ANK2: variants seen among roughly 807,000 people sequenced by gnomAD.
The protein encoded by ANK2 is ankyrin 2.
ANK2 carries 83 observed loss-of-function variants against 360.5 expected under a neutral mutation model. That is an observed-to-expected ratio of 0.23 (90% CI 0.19 to 0.28). ANK2 has a LOEUF of 0.28. Ranked by LOEUF, ANK2 falls within the 10% of genes least tolerant of loss-of-function variation. The pLI is 1.00. For synonymous variants in ANK2, 1,740 were observed against 1,759.5 expected (o/e 0.99, Z 0.28); for missense variants, 4,201 against 4,795.7 (o/e 0.88, Z 3.66).
chr4:112,883,018 CTTTTTTTTTTTTTTTTTTTTTTTTTT>C (rs536262490), intron 1 of ANK2, among the ~76,000 whole-genome samples: 1 of 30,500 alleles, frequency 3.3e-5, no homozygotes, highest in Non-Finnish European at 6.4e-5. Flanking sequence ...CTTGGTTAGT[CTTTTTTTTTTTTTTTTTTTTTTTTTT>C]TTTTTTTTTT....
intron 1 of ANK2, among the ~76,000 whole-genome samples, chr4:112,819,808 G>C (rs2056476811): frequency 6.6e-6 from 1 of 152,268 alleles, no homozygotes; most frequent in Admixed American, 6.5e-5. Flanking sequence ...ATTCATCTTG[G>C]AAAGGGTCTG....
At chr4:113,293,772 A>C (rs2069295989) in intron 22 of ANK2, among the ~76,000 whole-genome samples, 1 of 152,202 alleles carries the variant, frequency 6.6e-6, no homozygotes, top group South Asian at 2.1e-4. Context: ...ATGTGTGAAT[A>C]TAGTTTTATA....
chr4:112,739,605 C>T, the ANK2 span, among the ~76,000 whole-genome samples: 2 of 152,228 alleles, frequency 1.3e-5, no homozygotes, highest in Admixed American at 6.5e-5. Flanking sequence ...CAGAGCAAGA[C>T]TCCGTCTGGG....
At chr4:113,363,500 A>G in intron 40 of ANK2, 31 bp downstream of exon 40, 4 of 1,612,416 alleles carry the variant, frequency 2.5e-6, no homozygotes, top group Non-Finnish European at 3.4e-6. Flanking sequence ...ATATTGGGCT[A>G]AAGTTGGACA....
the ANK2 span, among the ~76,000 whole-genome samples, chr4:112,753,944 A>T: frequency 6.6e-6 from 1 of 151,856 alleles, no homozygotes; most frequent in Admixed American, 6.6e-5. Context: ...CTACAAATAC[A>T]AAAATTAGCC....
chr4:112,785,386 T>A, the ANK2 span, among the ~76,000 whole-genome samples: 1 of 151,076 alleles, frequency 6.6e-6, no homozygotes, highest in African/African-American at 2.5e-5. Context: ...TTTTTCCTTT[T>A]TTTTTGAGAC....
chr4:113,072,742 ATTT>A (rs34098456), intron 1 of ANK2, among the ~76,000 whole-genome samples: 2,558 of 74,144 alleles, frequency 0.035, 36 homozygotes, highest in Non-Finnish European at 0.059. Context: ...ACTTGGCATA[ATTT>A]TTTTTTTTTT....
In ANK2 at chr4:113,354,405, G is replaced by A. The variant is rs145614759; in HGVS notation, c.5787G>A (p.Ser1929=). 11 of 1,613,868 alleles carry A rather than the reference G, an allele frequency of 6.8e-6. No homozygotes were observed. Among genetic ancestry groups the A allele is most frequent in the South Asian group, 3.3e-5 (3 of 91,072 alleles). ...GGACAGAAAAACACCCGCCAGTATC[G>A]CCTGGGAGAACAGAAAAACGCTTGC... ...SGRTEKHPPV[S]PGRTEKRLPV... Residue 1929 remains serine (S), a synonymous_variant, in exon 38 of 46, where the codon TCG becomes TCA. Coordinates refer to ENST00000357077, the MANE Select transcript of ANK2 (RefSeq NM_001148.6).
chr4:113,079,064 C>T (rs759958856), intron 1 of ANK2, among the ~76,000 whole-genome samples: 22 of 152,234 alleles, frequency 1.4e-4, no homozygotes, highest in Non-Finnish European at 2.6e-4. Flanking sequence ...AGAATAAACA[C>T]GTGGAAACTG....
chr4:112,761,497 G>T, the ANK2 span, among the ~76,000 whole-genome samples: 1 of 152,146 alleles, frequency 6.6e-6, no homozygotes, highest in African/African-American at 2.4e-5. Context: ...GCACGCGCCT[G>T]CAGTCCCAGC....
intron 1 of ANK2, among the ~76,000 whole-genome samples, chr4:112,839,090 T>C (rs886301957): frequency 6.6e-6 from 1 of 152,186 alleles, no homozygotes; most frequent in Non-Finnish European, 1.5e-5. Flanking sequence ...GCACCATCTG[T>C]CCATGAAGAC....
chr4:112,910,159 T>C (rs1238256297), intron 2 of ANK2, among the ~76,000 whole-genome samples: 4 of 152,218 alleles, frequency 2.6e-5, no homozygotes, highest in African/African-American at 9.6e-5. Flanking sequence ...CTTAGCCTAA[T>C]CAGTGAACTA....
intron 1 of ANK2, among the ~76,000 whole-genome samples, chr4:113,144,886 A>G (rs2096771739): frequency 6.7e-6 from 1 of 150,284 alleles, no homozygotes; most frequent in African/African-American, 2.4e-5. Flanking sequence ...CTTAATCCAT[A>G]TTAGTCCCTC....
At chr4:112,796,473 C>T in the ANK2 span, among the ~76,000 whole-genome samples, 2 of 145,986 alleles carry the variant, frequency 1.4e-5, no homozygotes, top group Non-Finnish European at 3.0e-5. Flanking sequence ...TATACACACA[C>T]ACACACATAC....
intron 2 of ANK2, among the ~76,000 whole-genome samples, chr4:113,001,331 C>CAAAAA (rs11310852): frequency 4.7e-5 from 4 of 84,214 alleles, no homozygotes; most frequent in African/African-American, 1.4e-4. Context: ...AACTCTGTCT[C>CAAAAA]AAAAAAAAAA....
At chr4:112,966,689 A>T (rs1345723419) in intron 2 of ANK2, among the ~76,000 whole-genome samples, 1 of 152,182 alleles carries the variant, frequency 6.6e-6, no homozygotes, top group African/African-American at 2.4e-5. Flanking sequence ...AGATATCACA[A>T]CCATAATCAT....
At position 112,897,754 on chromosome 4, in the gene ANK2, C is replaced by T. The variant is rs190584953; in HGVS notation, c.-39-6701C>T. Reference sequence around the variant, plus strand: ...AGGCATTGCAATTCCCCTTGCTCACCGTTTCAGCTAGCAGCGGCAGAATGC... The same window carrying T: ...AGGCATTGCAATTCCCCTTGCTCACTGTTTCAGCTAGCAGCGGCAGAATGC... On this transcript the variant is annotated intron_variant, in intron 1 of 30. Coordinates refer to the ANK2 transcript ENST00000503271. Among the ~76,000 whole-genome samples, 12 of 152,230 alleles carry T rather than the reference C, an allele frequency of 7.9e-5. No individual in the cohort carries two copies. The East Asian group carries it at 1.2e-3, about 15-fold the overall frequency.
intron 23 of ANK2, among the ~76,000 whole-genome samples, chr4:113,308,342 A>G (rs1222555170): frequency 6.6e-6 from 1 of 152,208 alleles, no homozygotes; most frequent in East Asian, 1.9e-4. Flanking sequence ...TCTGCTGTGG[A>G]CATGCTAAAT....
intron 1 of ANK2, among the ~76,000 whole-genome samples, chr4:113,072,742 ATTTTT>A (rs34098456): frequency 8.1e-4 from 60 of 74,218 alleles, no homozygotes; most frequent in African/African-American, 1.9e-3. Flanking sequence ...ACTTGGCATA[ATTTTT>A]TTTTTTTTTT....
Sources: allele counts gnomAD v4.1 joint callset (sites outside exome capture counted in the v4.1 genomes callset), GRCh38; gene constraint gnomAD v4.1.1; transcripts MANE v1.5; gene names NCBI Gene and HGNC (gene_info 2026-07-23, HGNC 2026-07-21).